The following ZEB1 variants were observed in gnomAD, a reference collection of about 807,000 sequenced individuals.
The protein encoded by ZEB1 is zinc finger E-box-binding homeobox 1.
In ZEB1, 21 loss-of-function variants were observed where a neutral mutation model predicts 84.9. That is an observed-to-expected ratio of 0.25 (90% CI 0.18 to 0.36). ZEB1 has a LOEUF of 0.36. ZEB1 is among the 10% of genes least tolerant of loss of function. The probability of loss-of-function intolerance (pLI) is 1.00; values close to 1 mark genes in which losing one functional copy is unlikely to be tolerated. For missense variants in ZEB1, 1,104 were observed against 1,330.2 expected, an observed-to-expected ratio of 0.83 and a Z score of 2.65; for synonymous variants, 420 against 471.1, an observed-to-expected ratio of 0.89 and a Z score of 1.41.
chr10:31,415,700 C>T (rs1199758447), intron 1 of ZEB1, among the ~76,000 whole-genome samples: 2 of 151,988 alleles, frequency 1.3e-5, no homozygotes, highest in Non-Finnish European at 2.9e-5. Context: ...AAAGGGAAAA[C>T]TTCATTTGAA....
At chr10:31,518,257 C>T (rs150684777) in intron 6 of ZEB1, among the ~76,000 whole-genome samples, 1,837 of 152,066 alleles carry the variant, frequency 0.012, 27 homozygotes, top group Non-Finnish European at 0.015. Context: ...TTGGAGAATC[C>T]CCAGAGGTGG....
intron 1 of ZEB1, among the ~76,000 whole-genome samples, chr10:31,420,988 T>C (rs2056070999): frequency 6.6e-6 from 1 of 152,202 alleles, no homozygotes; most frequent in Admixed American, 6.5e-5. Context: ...CCAATTTTCT[T>C]GTTCTAAAAA....
chr10:31,522,727 A>C (rs530239537), intron 7 of ZEB1, among the ~76,000 whole-genome samples: 71 of 152,338 alleles, frequency 4.7e-4, no homozygotes, highest in African/African-American at 1.4e-3. Context: ...TTCTGATGGA[A>C]TCAAATGAAT....
At chr10:31,463,808 A>AAC (rs2062071972) in intron 2 of ZEB1, among the ~76,000 whole-genome samples, 1 of 152,212 alleles carries the variant, frequency 6.6e-6, no homozygotes, top group African/African-American at 2.4e-5. Flanking sequence ...GGCAGAAGTA[A>AAC]ACACAAGTCT....
chr10:31,483,975 C>T (rs2065401197), intron 2 of ZEB1, among the ~76,000 whole-genome samples: 1 of 152,002 alleles, frequency 6.6e-6, no homozygotes, highest in African/African-American at 2.4e-5. Context: ...TCCTTTTGAT[C>T]ATACAAGGAC....
intron 1 of ZEB1, among the ~76,000 whole-genome samples, chr10:31,336,660 G>C (rs2038141904): frequency 6.6e-6 from 1 of 152,128 alleles, no homozygotes; most frequent in Admixed American, 6.5e-5. Context: ...CAATCTGATA[G>C]AAAACTGGGC....
intron 1 of ZEB1, among the ~76,000 whole-genome samples, chr10:31,428,758 A>G (rs966237048): frequency 6.6e-6 from 1 of 152,198 alleles, no homozygotes; most frequent in African/African-American, 2.4e-5. Flanking sequence ...GCACATACAT[A>G]TTTAGGATAG....
chr10:31,480,432 A>G (rs1484711133), intron 2 of ZEB1, among the ~76,000 whole-genome samples: 2 of 152,042 alleles, frequency 1.3e-5, no homozygotes, highest in Non-Finnish European at 2.9e-5. Flanking sequence ...CTTTGGAATC[A>G]TTTTCAACCA....
At chr10:31,426,310 C>A (rs1264064469) in intron 1 of ZEB1, among the ~76,000 whole-genome samples, 1 of 151,940 alleles carries the variant, frequency 6.6e-6, no homozygotes, top group Non-Finnish European at 1.5e-5. Flanking sequence ...TGCCCCCTAC[C>A]CTCATCCCAC....
At chr10:31,385,840 TTCTC>T (rs572392841) in intron 1 of ZEB1, among the ~76,000 whole-genome samples, 3 of 152,186 alleles carry the variant, frequency 2.0e-5, no homozygotes, top group Non-Finnish European at 2.9e-5. Context: ...TTTCTTCTTT[TTCTC>T]TCTAATTTAT....
At chr10:31,334,246 T>C (rs886956479) in intron 1 of ZEB1, among the ~76,000 whole-genome samples, 2 of 152,134 alleles carry the variant, frequency 1.3e-5, no homozygotes, top group Non-Finnish European at 1.5e-5. Flanking sequence ...TTAGAAAAAC[T>C]GATCACATTC....
intron 1 of ZEB1, chr10:31,358,393 C>G (rs1274032268): frequency 6.6e-6 from 1 of 152,130 alleles, no homozygotes; most frequent in Admixed American, 6.5e-5. Context: ...TTCAAGCACC[C>G]TCATTAGCAG....
intron 1 of ZEB1, among the ~76,000 whole-genome samples, chr10:31,397,357 G>A (rs944992373): frequency 6.6e-6 from 1 of 151,644 alleles, no homozygotes; most frequent in Non-Finnish European, 1.5e-5. Flanking sequence ...TATATCAGTT[G>A]GGTTGATTAT....
intron 1 of ZEB1, among the ~76,000 whole-genome samples, chr10:31,452,742 T>TGTGAGAGA (rs1387786622): frequency 8.0e-4 from 73 of 90,808 alleles, no homozygotes; most frequent in Non-Finnish European, 1.2e-3. Context: ...TGTGTGTGTG[T>TGTGAGAGA]GAGAGAGAGA....
At chr10:31,436,293 T>C (rs1564846173) in intron 1 of ZEB1, among the ~76,000 whole-genome samples, 2 of 152,206 alleles carry the variant, frequency 1.3e-5, no homozygotes, top group Non-Finnish European at 2.9e-5. Context: ...TAAGGGTGCT[T>C]TAAGTTTTAT....
At chr10:31,368,260 T>TC (rs1156370437) in intron 1 of ZEB1, among the ~76,000 whole-genome samples, 1 of 151,988 alleles carries the variant, frequency 6.6e-6, no homozygotes, top group Non-Finnish European at 1.5e-5. Context: ...GCTCAATCGA[T>TC]CCCCCCACTT....
chr10:31,319,579 C>A, intron 1 of ZEB1: 1 of 395,256 alleles, frequency 2.5e-6, no homozygotes, highest in Non-Finnish European at 4.4e-6. Context: ...TAGCCGGCGC[C>A]GACGCCGCCG....
intron 1 of ZEB1, chr10:31,363,102 T>C: frequency 1.3e-6 from 2 of 1,533,934 alleles, no homozygotes; most frequent in Non-Finnish European, 8.7e-7. Flanking sequence ...GGCCGGCAGC[T>C]CTGGGTGGAG....
At chr10:31,362,964 T>C (rs1175814328) in intron 1 of ZEB1, 14 of 1,533,794 alleles carry the variant, frequency 9.1e-6, no homozygotes, top group Non-Finnish European at 1.0e-5. Context: ...CCACCAACAG[T>C]GCCTCAGGAG....
Sources: allele counts gnomAD v4.1 joint callset (sites outside exome capture counted in the v4.1 genomes callset), GRCh38; gene constraint gnomAD v4.1.1; transcripts MANE v1.5; gene names NCBI Gene and HGNC (gene_info 2026-07-23, HGNC 2026-07-21).